ADGRB3: variants seen among roughly 807,000 people sequenced by gnomAD.
ADGRB3 encodes brain-specific angiogenesis inhibitor 3.
A neutral mutation model predicts 193.4 loss-of-function variants in ADGRB3; 37 were observed. That is an observed-to-expected ratio of 0.19 (90% CI 0.15 to 0.25). The LOEUF is 0.25. Among genes scored for constraint, ADGRB3 ranks in the 10% least tolerant of loss-of-function variants. ADGRB3 has a pLI of 1.00. For synonymous variants in ADGRB3, 690 were observed against 644.2 expected, an observed-to-expected ratio of 1.07 and a Z score of -1.08; for missense variants, 1,637 against 1,852.9, an observed-to-expected ratio of 0.88 and a Z score of 2.14.
chr6:69,203,481 A>G (rs1435923507), intron 17 of ADGRB3, among the ~76,000 whole-genome samples: 1 of 150,518 alleles, frequency 6.6e-6, no homozygotes, highest in Non-Finnish European at 1.5e-5. Flanking sequence ...ATATTTAATT[A>G]TACTAAGGCT....
intron 17 of ADGRB3, among the ~76,000 whole-genome samples, chr6:69,119,320 C>T (rs1314870219): frequency 6.6e-6 from 1 of 152,100 alleles, no homozygotes; most frequent in East Asian, 1.9e-4. Context: ...CTTCTGCCTA[C>T]TATGTGCAAG....
intron 17 of ADGRB3, among the ~76,000 whole-genome samples, chr6:69,089,086 T>C (rs1190967759): frequency 2.0e-5 from 3 of 152,240 alleles, no homozygotes; most frequent in Non-Finnish European, 2.9e-5. Context: ...TTAGTGGAAG[T>C]TCTTTGAATC....
At chr6:69,116,057 AT>A (rs1220249206) in intron 17 of ADGRB3, among the ~76,000 whole-genome samples, 3 of 152,144 alleles carry the variant, frequency 2.0e-5, no homozygotes, top group African/African-American at 7.2e-5. Flanking sequence ...TGAGTTCAAA[AT>A]TTTTAGGGAA....
chr6:68,965,039 A>G (rs748745852), intron 8 of ADGRB3, among the ~76,000 whole-genome samples: 3 of 152,130 alleles, frequency 2.0e-5, no homozygotes, highest in African/African-American at 4.8e-5. Context: ...TGACTTCCTC[A>G]TGTTTAAAAT....
At chr6:68,808,363 C>T (rs775556736) in intron 3 of ADGRB3, among the ~76,000 whole-genome samples, 7 of 151,886 alleles carry the variant, frequency 4.6e-5, no homozygotes, top group Non-Finnish European at 7.4e-5. Context: ...CTCGGACTCA[C>T]AGGCTTGTTA....
chr6:69,255,563 T>A (rs1278022502), intron 20 of ADGRB3, among the ~76,000 whole-genome samples: 1 of 152,218 alleles, frequency 6.6e-6, no homozygotes, highest in Admixed American at 6.5e-5. Context: ...GTTTTTTTCT[T>A]GTAAATTTGT....
chr6:68,834,066 T>C (rs74354894), intron 3 of ADGRB3, among the ~76,000 whole-genome samples: 1,637 of 134,754 alleles, frequency 0.012, 31 homozygotes, highest in African/African-American at 0.039. Flanking sequence ...AATCTGATAA[T>C]CTGGAAACCA....
At chr6:68,642,728 C>CT (rs11351150) in intron 3 of ADGRB3, among the ~76,000 whole-genome samples, 3,732 of 143,920 alleles carry the variant, frequency 0.026, 72 homozygotes, top group South Asian at 0.078. Flanking sequence ...AAAATGAAGC[C>CT]TTTTTTTTTT....
intron 3 of ADGRB3, among the ~76,000 whole-genome samples, chr6:68,887,414 A>G (rs1765940842): frequency 6.6e-6 from 1 of 152,042 alleles, no homozygotes; most frequent in African/African-American, 2.4e-5. Flanking sequence ...TTATGTTTTT[A>G]CTTTTTGAAC....
At chr6:68,732,351 C>T (rs781068103) in intron 3 of ADGRB3, among the ~76,000 whole-genome samples, 2 of 151,656 alleles carry the variant, frequency 1.3e-5, no homozygotes, top group Non-Finnish European at 1.5e-5. Flanking sequence ...TTCTCACTTA[C>T]CTATATGGAA....
intron 3 of ADGRB3, among the ~76,000 whole-genome samples, chr6:68,723,269 A>G (rs1174896052): frequency 2.0e-5 from 3 of 151,414 alleles, no homozygotes; most frequent in Admixed American, 6.6e-5. Flanking sequence ...TCTTTTATCT[A>G]TTTTTCTCAG....
intron 3 of ADGRB3, among the ~76,000 whole-genome samples, chr6:68,653,493 A>G (rs1228704751): frequency 6.6e-6 from 1 of 152,084 alleles, no homozygotes; most frequent in African/African-American, 2.4e-5. Context: ...CATATTCCAC[A>G]TTGTACTCTG....
intron 13 of ADGRB3, among the ~76,000 whole-genome samples, chr6:69,043,316 GAA>G (rs1554252089): frequency 1.3e-5 from 2 of 150,602 alleles, no homozygotes; most frequent in African/African-American, 4.9e-5. Flanking sequence ...AAGAAAGAAA[GAA>G]AGAAAGAAAG....
Position 68,956,732 on chromosome 6 carries a change from A to G in ADGRB3, c.1448A>G (p.Gln483Arg). The G allele has an allele frequency of 1.2e-6, 2 of 1,614,104 alleles. No individual in the cohort carries two copies. The highest frequency in any genetic ancestry group is 2.2e-5 in the East Asian group (1 of 44,846). The change falls in exon 8 of 32, where the codon CAG becomes CGG. Residue 483 changes from glutamine (Q) to arginine (R), a missense_variant. Transcript: ENST00000370598. ...GGWERRIRTC[Q>R]GAVITGQQCE... ...TGGGAAAGGCGAATAAGGACCTGTC[A>G]GGGTGCAGTGATAACAGGGCAGCAA... is the stretch of plus-strand genomic sequence containing the variant.
chr6:69,178,550 AGTT>A (rs1453883929), intron 17 of ADGRB3, among the ~76,000 whole-genome samples: 1 of 152,058 alleles, frequency 6.6e-6, no homozygotes, highest in East Asian at 1.9e-4. Flanking sequence ...AGGGCCTATG[AGTT>A]ATGTATTTAA....
intron 26 of ADGRB3, among the ~76,000 whole-genome samples, chr6:69,345,900 A>G (rs1309592202): frequency 6.6e-6 from 1 of 152,226 alleles, no homozygotes; most frequent in Admixed American, 6.5e-5. Flanking sequence ...AAGCAACTTC[A>G]GCAAAGTCTC....
chr6:68,794,898 C>G (rs1767176990), intron 3 of ADGRB3, among the ~76,000 whole-genome samples: 1 of 152,076 alleles, frequency 6.6e-6, no homozygotes, highest in Admixed American at 6.6e-5. Context: ...TGGCAAAACA[C>G]TCTATTTCCT....
intron 3 of ADGRB3, among the ~76,000 whole-genome samples, chr6:68,874,715 C>T (rs1271098522): frequency 1.3e-5 from 2 of 152,010 alleles, no homozygotes; most frequent in Non-Finnish European, 2.9e-5. Context: ...ACATGGAATT[C>T]AAGTAAAGCC....
chr6:69,366,129 T>A (rs965320579), intron 29 of ADGRB3, among the ~76,000 whole-genome samples: 6 of 152,070 alleles, frequency 3.9e-5, no homozygotes, highest in Admixed American at 2.6e-4. Flanking sequence ...CATTTTTTTC[T>A]CTTTTACATT....
Sources: gnomAD v4.1 joint callset for allele counts (sites outside exome capture counted in the v4.1 genomes callset) on GRCh38, gnomAD v4.1.1 for gene constraint, MANE v1.5 for transcripts, NCBI Gene and HGNC (gene_info 2026-07-23, HGNC 2026-07-21) for gene names.